The following PRIM2 variants were observed in gnomAD, a reference collection of about 807,000 sequenced individuals.
The protein encoded by PRIM2 is DNA primase large subunit.
PRIM2 carries 39 observed loss-of-function variants against 67.3 expected under a neutral mutation model. The ratio of observed to expected loss-of-function variants is 0.58; its 90% CI spans 0.45 to 0.76. The LOEUF (loss-of-function observed/expected upper bound fraction) is 0.76, where lower values mean the gene tolerates loss of function less well. Ranked by LOEUF, PRIM2 falls within the 30% of genes least tolerant of loss-of-function variation. The pLI is 0.00. For synonymous variants in PRIM2, 143 were observed against 198.7 expected, an observed-to-expected ratio of 0.72 and a Z score of 2.36; for missense variants, 398 against 598.7, an observed-to-expected ratio of 0.66 and a Z score of 3.50.
chr6:57,645,854 A>G (rs1777325369), intron 13 of PRIM2, 74 bp from the exon 14 acceptor site: 2 of 804,438 alleles, frequency 2.5e-6, no homozygotes, highest in Non-Finnish European at 4.0e-6. Context: ...AACAAGTACT[A>G]AAACAGCTTT....
chr6:57,611,514 A>G (rs1776665834), intron 12 of PRIM2, among the ~76,000 whole-genome samples: 2 of 152,198 alleles, frequency 1.3e-5, no homozygotes, highest in African/African-American at 4.8e-5. Flanking sequence ...GGGCAATTTA[A>G]TAAGGAAATG....
intron 7 of PRIM2, among the ~76,000 whole-genome samples, chr6:57,488,711 C>T (rs1194784705): frequency 2.0e-5 from 3 of 152,274 alleles, no homozygotes; most frequent in African/African-American, 7.2e-5. Flanking sequence ...AGATACACGA[C>T]TCACACAGGC....
Position 57,328,878 on chromosome 6 carries a change from T to C in PRIM2, c.459+2833T>C, listed in dbSNP as rs572573463. ...ATAGTGAGTATGAAGTGGTATGTAA[T>C]TGTGGTTTTGATTTGCATTTCTAAT... On this transcript the variant is annotated intron_variant, in intron 5 of 13. Coordinates refer to ENST00000615550, the MANE Select transcript of PRIM2 (RefSeq NM_000947.5). Among the ~76,000 whole-genome samples the C allele has an allele frequency of 2.6e-5, 4 of 152,344 alleles. No homozygotes were observed. The East Asian group carries it at 7.7e-4, about 29-fold the overall frequency.
the PRIM2 span, among the ~76,000 whole-genome samples, chr6:57,269,088 A>C: frequency 1.3e-5 from 2 of 152,256 alleles, no homozygotes; most frequent in South Asian, 4.2e-4. Flanking sequence ...GTGCTGCAAT[A>C]AACAAATGTG....
chr6:57,538,675 A>C lies in PRIM2; in HGVS notation c.1020+1050A>C, dbSNP rs1364271837. ...CAGACTGGTTGGCTTAAAAAACGGA[A>C]GTTTATTTCCTCACACTTCTGGAGG... On this transcript the variant is annotated intron_variant, in intron 10 of 13. Transcript: ENST00000615550. 1.6e-3 allele frequency among the ~76,000 whole-genome samples: 238 copies of C among 152,338 alleles called. 1 individual carries two copies. Among genetic ancestry groups the C allele is most frequent in the African/African-American group, 4.8e-3 (199 of 41,588 alleles).
At chr6:57,488,479 G>A (rs1245896468) in intron 7 of PRIM2, among the ~76,000 whole-genome samples, 2 of 152,186 alleles carry the variant, frequency 1.3e-5, no homozygotes, top group Non-Finnish European at 2.9e-5. Flanking sequence ...ACTGTAATTA[G>A]TTCAAAAGTA....
chr6:57,379,843 T>C (rs1197833396), intron 5 of PRIM2, 58 bp from the exon 6 acceptor site: 2 of 1,465,474 alleles, frequency 1.4e-6, no homozygotes, highest in African/African-American at 2.9e-5. Flanking sequence ...GAAATCATTT[T>C]ATTGAAACTG....
intron 12 of PRIM2, among the ~76,000 whole-genome samples, chr6:57,618,772 C>T (rs1484998419): frequency 6.6e-6 from 1 of 152,124 alleles, no homozygotes; most frequent in East Asian, 1.9e-4. Flanking sequence ...CACAGCAAGA[C>T]CCACCCAAGG....
chr6:57,603,362 C>T (rs1203581764), intron 11 of PRIM2, among the ~76,000 whole-genome samples: 5 of 152,256 alleles, frequency 3.3e-5, no homozygotes, highest in South Asian at 2.1e-4. Flanking sequence ...TGTTTTTGAT[C>T]GCTAGCATTT....
chr6:57,432,917 G>T (rs1771881907), intron 7 of PRIM2, among the ~76,000 whole-genome samples: 1 of 152,192 alleles, frequency 6.6e-6, no homozygotes, highest in African/African-American at 2.4e-5. Context: ...AAGCAGTTAG[G>T]ACTTTTAGTT....
chr6:57,301,559 T>C, the PRIM2 span, among the ~76,000 whole-genome samples: 1 of 152,084 alleles, frequency 6.6e-6, no homozygotes, highest in Non-Finnish European at 1.5e-5. Flanking sequence ...CTCAGCACTT[T>C]GGGAGGCCAA....
Position 57,324,273 on chromosome 6 carries a change from T to TGCC in PRIM2, c.332_334dup (p.Cys111_Gln112insArg). The TGCC allele has an allele frequency of 2.5e-6, 4 of 1,588,606 alleles. No homozygotes were observed. Among genetic ancestry groups the TGCC allele is most frequent in the Non-Finnish European group, 3.4e-6 (4 of 1,161,878 alleles). On this transcript the variant is annotated inframe_insertion, in exon 4 of 14. Transcript: ENST00000615550. ...TCATTTTATTTTGCGGCTTGCTTATTGCCAGTCGTAAGTATATGTTTATAT... is the reference window on the plus strand; with the variant it reads ...TCATTTTATTTTGCGGCTTGCTTATTGCCGCCAGTCGTAAGTATATGTTTATAT...
the PRIM2 span, among the ~76,000 whole-genome samples, chr6:57,264,594 CTTTTTTT>C: frequency 9.3e-6 from 1 of 107,028 alleles, no homozygotes; most frequent in African/African-American, 4.0e-5. Context: ...AAGTCAAACG[CTTTTTTT>C]TTTTTTTTTT....
rs1369928172 is a variant in PRIM2, at chr6:57,480,189, G to T, written c.694-27198G>T. Among the ~76,000 whole-genome samples, 9 of 152,242 alleles carry T rather than the reference G, an allele frequency of 5.9e-5. No homozygotes were observed. The South Asian group carries it at 1.9e-3, about 32-fold the overall frequency. On this transcript the variant is annotated intron_variant, in intron 7 of 13. Coordinates refer to ENST00000615550, the MANE Select transcript of PRIM2 (RefSeq NM_000947.5). ...TGAAGAGTGTGGAACAGTGTGAGGAGGTTGAAGTCTGAGTACATTTCTATT... is the reference window on the plus strand; with the variant it reads ...TGAAGAGTGTGGAACAGTGTGAGGATGTTGAAGTCTGAGTACATTTCTATT...
At chr6:57,313,458 C>T (rs191096954), upstream of PRIM2, among the ~76,000 whole-genome samples, 38 of 152,248 alleles carry the variant, frequency 2.5e-4, 1 homozygote, top group African/African-American at 8.2e-4. Flanking sequence ...TGGAACACAC[C>T]AAATAATGCT....
At chr6:57,634,867 A>C (rs1777093616) in intron 13 of PRIM2, among the ~76,000 whole-genome samples, 1 of 151,866 alleles carries the variant, frequency 6.6e-6, no homozygotes, top group African/African-American at 2.4e-5. Context: ...AAAATAGTCT[A>C]ACTAACTTAA....
chr6:57,502,760 C>T (rs1554346989), intron 7 of PRIM2, among the ~76,000 whole-genome samples: 1 of 152,168 alleles, frequency 6.6e-6, no homozygotes, highest in Non-Finnish European at 1.5e-5. Context: ...AAAGCTTCTC[C>T]TTCCAGATTT....
chr6:57,341,627 G>C (rs1431959386), intron 5 of PRIM2, among the ~76,000 whole-genome samples: 1 of 152,128 alleles, frequency 6.6e-6, no homozygotes, highest in Non-Finnish European at 1.5e-5. Context: ...ATAGGAACAT[G>C]CACACTTTCA....
intron 10 of PRIM2, among the ~76,000 whole-genome samples, chr6:57,544,936 A>G (rs1215050531): frequency 6.6e-6 from 1 of 152,222 alleles, no homozygotes; most frequent in African/African-American, 2.4e-5. Context: ...TGCTGAATAC[A>G]TGGTAAATTC....
Sources: allele counts gnomAD v4.1 joint callset (sites outside exome capture counted in the v4.1 genomes callset), GRCh38; gene constraint gnomAD v4.1.1; transcripts MANE v1.5; gene names NCBI Gene and HGNC (gene_info 2026-07-23, HGNC 2026-07-21).